The following ABI1 variants were observed in gnomAD, a reference collection of about 807,000 sequenced individuals.
The protein encoded by ABI1 is abl interactor 1.
In ABI1, 14 loss-of-function variants were observed where a neutral mutation model predicts 54.6. The ratio of observed to expected loss-of-function variants is 0.26; its 90% CI spans 0.17 to 0.40. ABI1 has a LOEUF of 0.40. Among genes scored for constraint, ABI1 ranks in the 10% least tolerant of loss-of-function variants. The pLI, the probability that ABI1 is intolerant of heterozygous loss-of-function variation, is 1.00. For synonymous variants in ABI1, 194 were observed against 209.3 expected (o/e 0.93, Z 0.63); for missense variants, 443 against 598.3 (o/e 0.74, Z 2.71).
intron 7 of ABI1, chr10:26,763,895 C>G: frequency 6.2e-7 from 1 of 1,613,014 alleles, no homozygotes; most frequent in Non-Finnish European, 8.5e-7. Flanking sequence ...ACAGTGCTCA[C>G]TGGGAGAAGT....
At chr10:26,788,782 G>A (rs1019299973) in intron 2 of ABI1, among the ~76,000 whole-genome samples, 12 of 152,016 alleles carry the variant, frequency 7.9e-5, no homozygotes, top group South Asian at 2.1e-4. Flanking sequence ...CGTGGTTGGC[G>A]GACGCCTGTA....
intron 2 of ABI1, among the ~76,000 whole-genome samples, chr10:26,781,372 C>T (rs1050860508): frequency 2.6e-5 from 4 of 152,376 alleles, no homozygotes; most frequent in Middle Eastern, 3.4e-3. Flanking sequence ...AGCAGCTTCT[C>T]CCTTTGAGAA....
chr10:26,761,696 TAC>T (rs1342745083), intron 7 of ABI1, among the ~76,000 whole-genome samples: 3 of 129,318 alleles, frequency 2.3e-5, no homozygotes, highest in Admixed American at 8.0e-5. Context: ...CCTTAAACAA[TAC>T]ACACAGTTTT....
chr10:26,759,185 A>T lies in ABI1; in HGVS notation c.874T>A (p.Ser292Thr). 5.6e-6 allele frequency: 9 copies of T among 1,614,136 alleles called. No individual in the cohort carries two copies. Among genetic ancestry groups the T allele is most frequent in the Non-Finnish European group, 7.6e-6 (9 of 1,179,998 alleles). ...GAAGAAGTAGTAGAGTTGTGTCGAG[A>T]TATCTGCCTGGTCATTGTGCCATAC... is the stretch of plus-strand genomic sequence containing the variant. ...SQYGTMTRQISRHNSTTSSTS... is the reference protein window; with the variant it reads ...SQYGTMTRQITRHNSTTSSTS... The change falls in exon 8 of 11, where the codon TCT (serine) becomes ACT (threonine). Residue 292 changes from serine to threonine, a missense_variant. By Grantham distance (58) the Ser-to-Thr change is moderately conservative. Around this residue, in one of 2 missense-constraint regions of ABI1, gnomAD observed 394 missense variants for 484.8 expected, o/e 0.81. Transcript: ENST00000376140.
chr10:26,810,981 C>T (rs1247906166), intron 2 of ABI1, among the ~76,000 whole-genome samples: 3 of 151,966 alleles, frequency 2.0e-5, no homozygotes, highest in African/African-American at 7.2e-5. Context: ...AGGAAGAAAA[C>T]CTAATGCTAT....
intron 1 of ABI1, among the ~76,000 whole-genome samples, chr10:26,828,606 G>T (rs1053399624): frequency 6.6e-6 from 1 of 152,188 alleles, no homozygotes; most frequent in South Asian, 2.1e-4. Flanking sequence ...GCCTAACTGT[G>T]CATCCAATTA....
intron 2 of ABI1, among the ~76,000 whole-genome samples, chr10:26,785,543 G>C (rs1458469008): frequency 1.3e-5 from 2 of 152,082 alleles, no homozygotes; most frequent in African/African-American, 2.4e-5. Context: ...CCAACATGGT[G>C]AAATTCCGTC....
chr10:26,788,811 G>A (rs2133141485), intron 2 of ABI1, among the ~76,000 whole-genome samples: 1 of 151,504 alleles, frequency 6.6e-6, no homozygotes, highest in East Asian at 1.9e-4. Context: ...TACTCGGGAG[G>A]CTGAGGCAGG....
At chr10:26,801,153 G>T (rs1325735101) in intron 2 of ABI1, among the ~76,000 whole-genome samples, 1 of 152,202 alleles carries the variant, frequency 6.6e-6, no homozygotes, top group Non-Finnish European at 1.5e-5. Context: ...ATACTTGAAT[G>T]GAATTTGTTG....
chr10:26,858,430 G>A (rs2051010280), intron 1 of ABI1, among the ~76,000 whole-genome samples: 2 of 147,176 alleles, frequency 1.4e-5, no homozygotes, highest in Admixed American at 1.4e-4. Flanking sequence ...AAGGTATTTA[G>A]ATAATCATTG....
chr10:26,831,375 T>G (rs1027306162), intron 1 of ABI1, among the ~76,000 whole-genome samples: 2 of 152,054 alleles, frequency 1.3e-5, no homozygotes, highest in African/African-American at 4.8e-5. Flanking sequence ...AAACCCCATC[T>G]CTACTAAAAA....
rs796887573 is a variant in ABI1, at chr10:26,860,958, C to G, written c.-95G>C. The G allele has an allele frequency of 1.1e-5, 12 of 1,067,802 alleles. No homozygotes were observed. In the African/African-American group the frequency reaches 1.5e-4, roughly 14 times the overall value. 66.1% of individuals were successfully genotyped at this position (1,067,802 alleles called of 1,614,324 possible). A position where few individuals can be genotyped will look rare whatever the true frequency, so the allele number is the denominator to read the frequency against. ...AGCACCTCACAGCCCGGATACAAAC[C>G]GCCTACCCGCCCTCCCGCCTGGTAT... On this transcript the variant is annotated 5_prime_UTR_variant, in exon 1 of 11. Transcript: ENST00000376140. The surrounding 1 kb of genome is among the most constrained non-coding windows in gnomAD (Gnocchi z 4.1).
chr10:26,789,763 G>A (rs1368894593), intron 2 of ABI1, among the ~76,000 whole-genome samples: 1 of 152,042 alleles, frequency 6.6e-6, no homozygotes, highest in Admixed American at 6.5e-5. Flanking sequence ...GGTTTTTCCT[G>A]GTCCTCTCCC....
intron 1 of ABI1, among the ~76,000 whole-genome samples, chr10:26,856,286 A>C (rs1280658360): frequency 1.3e-5 from 2 of 151,750 alleles, no homozygotes; most frequent in Non-Finnish European, 2.9e-5. Flanking sequence ...AAAAAAAAAA[A>C]AAAACCCATT....
At chr10:26,762,011 C>T (rs561131350) in intron 7 of ABI1, among the ~76,000 whole-genome samples, 1 of 151,752 alleles carries the variant, frequency 6.6e-6, no homozygotes, top group Non-Finnish European at 1.5e-5. Flanking sequence ...TTCTTGAAGC[C>T]TTGTGTTTTG....
Position 26,746,872 on chromosome 10 carries a change from T to C in ABI1, c.*1698A>G, listed in dbSNP as rs1249563979. 1 of 325,646 alleles carries C rather than the reference T, an allele frequency of 3.1e-6. No individual in the cohort carries two copies. The highest frequency in any genetic ancestry group is 5.8e-6 in the Non-Finnish European group (1 of 172,782). 20.2% of individuals were successfully genotyped at this position (325,646 alleles called of 1,614,324 possible). ...TCTGCATTGAAGTCCACATGAGTTA[T>C]ATTTTAACAGTATCCAAAATTTCAT... On this transcript the variant is annotated 3_prime_UTR_variant, in exon 11 of 11. Transcript: ENST00000376140.
intron 7 of ABI1, chr10:26,763,984 G>A: frequency 6.4e-7 from 1 of 1,570,462 alleles, no homozygotes; most frequent in Admixed American, 1.7e-5. Context: ...TTATAATTCA[G>A]GTCAGAGTAC....
rs3802613 is a variant in ABI1, at chr10:26,753,292, T to C, written c.1085-1509A>G. ...ATCCATTTTATCTTTGCCCATAACT[T>C]CCTCTATAAAACTTTTTAATATTAT... On this transcript the variant is annotated intron_variant, in intron 9 of 10. Transcript: ENST00000376140. Among the ~76,000 whole-genome samples, 542 of 152,276 alleles carry C rather than the reference T, an allele frequency of 3.6e-3. 5 individuals carry two copies. The highest frequency in any genetic ancestry group is 0.029 in the East Asian group (149 of 5,186).
chr10:26,806,621 C>G (rs2046892619), intron 2 of ABI1, among the ~76,000 whole-genome samples: 1 of 152,132 alleles, frequency 6.6e-6, no homozygotes, highest in African/African-American at 2.4e-5. Context: ...GCTTCCCCAG[C>G]AGATCAGTTT....
Sources: gnomAD v4.1 joint callset for allele counts (sites outside exome capture counted in the v4.1 genomes callset) on GRCh38, gnomAD v4.1.1 for gene constraint, gnomAD v4.1.1 regional missense constraint, Gnocchi (gnomAD v3.1) non-coding constraint, MANE v1.5 for transcripts, NCBI Gene and HGNC (gene_info 2026-07-23, HGNC 2026-07-21) for gene names.